LMX1A: variants seen among roughly 807,000 people sequenced by gnomAD.
LMX1A encodes the protein LIM homeobox transcription factor 1 alpha.
A neutral mutation model predicts 49.1 loss-of-function variants in LMX1A; 15 were observed. The ratio of observed to expected loss-of-function variants is 0.31; its 90% confidence interval spans 0.20 to 0.47. LMX1A has a LOEUF of 0.47. LMX1A is among the 20% of genes least tolerant of loss of function. LMX1A has a pLI of 1.00. For synonymous variants in LMX1A, 167 were observed against 185.7 expected (o/e 0.90, Z 0.82); for missense variants, 372 against 475.8 (o/e 0.78, Z 2.03).
At chr1:165,311,194 A>T (rs967690180) in intron 3 of LMX1A, among the ~76,000 whole-genome samples, 1 of 152,220 alleles carries the variant, frequency 6.6e-6, no homozygotes, top group South Asian at 2.1e-4. Context: ...ATCAGAATAA[A>T]CTGCATTATT....
intron 3 of LMX1A, among the ~76,000 whole-genome samples, chr1:165,278,184 T>G (rs1038385371): frequency 1.3e-5 from 2 of 152,206 alleles, no homozygotes; most frequent in Admixed American, 6.5e-5. Context: ...CCAGAGCTCC[T>G]GCTCATAACC....
At chr1:165,279,044 AGGAGT>A (rs1654055466) in intron 3 of LMX1A, among the ~76,000 whole-genome samples, 1 of 152,230 alleles carries the variant, frequency 6.6e-6, no homozygotes, top group Admixed American at 6.5e-5. Context: ...GGAATTTTGG[AGGAGT>A]CCAAAATTTA....
intron 8 of LMX1A, 63 bp from the exon 9 acceptor site, chr1:165,204,103 A>T: frequency 6.4e-7 from 1 of 1,551,180 alleles, no homozygotes; most frequent in Non-Finnish European, 8.8e-7. Flanking sequence ...CAGTGCTAGG[A>T]TATTCAGCTG....
rs3038076 is a variant in LMX1A at position 165,221,908 on chromosome 1, T to TAC, written c.497-8097_497-8096dup. Among the ~76,000 whole-genome samples, 1,177 of 126,988 alleles carry TAC rather than the reference T, an allele frequency of 9.3e-3. 23 individuals carry two copies. The highest frequency in any genetic ancestry group is 0.03 in the African/African-American group (1,117 of 36,860). 83.3% of individuals were successfully genotyped at this position (126,988 alleles called of 152,430 possible). A position where few individuals can be genotyped will look rare whatever the true frequency, so the allele number is the denominator to read the frequency against. On this transcript the variant is annotated intron_variant, in intron 4 of 8. Transcript: ENST00000342310. ...ACCTACCTTAGCTCTGTCTCCACTC[T>TAC]ACACACACACACACACACACACACA... is the stretch of plus-strand genomic sequence containing the variant.
At chr1:165,338,285 G>A (rs1274368277) in intron 3 of LMX1A, among the ~76,000 whole-genome samples, 1 of 152,136 alleles carries the variant, frequency 6.6e-6, no homozygotes, top group Admixed American at 6.5e-5. Flanking sequence ...TCTCTGAATA[G>A]CCAGCAATGT....
At chr1:165,305,807 C>A (rs1385703555) in intron 3 of LMX1A, among the ~76,000 whole-genome samples, 1 of 152,138 alleles carries the variant, frequency 6.6e-6, no homozygotes, top group African/African-American at 2.4e-5. Flanking sequence ...AGGTTAAGTA[C>A]CAAGACTCCA....
In LMX1A at chr1:165,292,047, G is replaced by A. The variant is rs577996847; in HGVS notation, c.264-42407C>T. Among the ~76,000 whole-genome samples the A allele has an allele frequency of 5.1e-3, 620 of 122,566 alleles. 1 individual carries two copies. The highest frequency in any genetic ancestry group is 0.018 in the African/African-American group (587 of 33,476). The allele number at this position is 122,566 out of a possible 152,430, so 80.4% of individuals were successfully genotyped here. On this transcript the variant is annotated intron_variant, in intron 3 of 8. Transcript: ENST00000342310. ...ACTGCACTCCAGCCTGGGCGACAGA[G>A]CGAAACTCCGTCTCAAAAAAAAAAA... is the stretch of plus-strand genomic sequence containing the variant.
intron 4 of LMX1A, among the ~76,000 whole-genome samples, chr1:165,242,325 C>T (rs1251248445): frequency 6.6e-6 from 1 of 152,116 alleles, no homozygotes; most frequent in Admixed American, 6.5e-5. Flanking sequence ...GACTTCACAA[C>T]CAGGCTTCCT....
intron 3 of LMX1A, among the ~76,000 whole-genome samples, chr1:165,301,774 G>A (rs1654781630): frequency 6.6e-6 from 1 of 152,010 alleles, no homozygotes; most frequent in Non-Finnish European, 1.5e-5. Flanking sequence ...AGAACAAACT[G>A]GTTCTTTTCT....
In LMX1A at chr1:165,355,794, G is replaced by T. The variant is rs1656588856; in HGVS notation, c.-22-213C>A. ...ATCTGATTTCACTTGAAGTCAACAC[G>T]TTATGTACTTAGGCCTCCGCCCCCC... On this transcript the variant is annotated intron_variant, in intron 1 of 8. Transcript: ENST00000342310. The surrounding 1 kb of genome is among the most constrained non-coding windows in gnomAD (Gnocchi z 4.7). 3.5e-6 allele frequency: 2 copies of T among 565,130 alleles called. No individual in the cohort carries two copies. The highest frequency in any genetic ancestry group is 6.3e-6 in the Non-Finnish European group (2 of 317,116). The allele number at this position is 565,130 out of a possible 1,614,324, so 35.0% of individuals were successfully genotyped here. A position where few individuals can be genotyped will look rare whatever the true frequency, so the allele number is the denominator to read the frequency against.
intron 3 of LMX1A, among the ~76,000 whole-genome samples, chr1:165,258,267 A>T (rs1653314818): frequency 6.6e-6 from 1 of 152,166 alleles, no homozygotes; most frequent in African/African-American, 2.4e-5. Flanking sequence ...ACTGAAGGAG[A>T]GATGGTGAGA....
rs1306625515 is a variant in LMX1A at position 165,297,708 on chromosome 1, C to T, written c.264-48068G>A. Among the ~76,000 whole-genome samples, 3 of 152,238 alleles carry T rather than the reference C, an allele frequency of 2.0e-5. No individual in the cohort carries two copies. In the East Asian group the frequency reaches 5.8e-4, roughly 29 times the overall value. On this transcript the variant is annotated intron_variant, in intron 3 of 8. Transcript: ENST00000342310. ...ACTTCCAGGGCTGTGTCCCAAATGA[C>T]CCTTTCTGAGACCCTCCACAACCAG...
intron 4 of LMX1A, among the ~76,000 whole-genome samples, chr1:165,233,152 G>C (rs991664975): frequency 1.1e-4 from 17 of 152,326 alleles, no homozygotes; most frequent in African/African-American, 4.1e-4. Flanking sequence ...TGGAGACACT[G>C]GTTTAAAACT....
At chr1:165,254,543 T>G (rs901076438) in intron 3 of LMX1A, among the ~76,000 whole-genome samples, 20 of 152,286 alleles carry the variant, frequency 1.3e-4, no homozygotes, top group South Asian at 6.2e-4. Flanking sequence ...GTGCATGTGG[T>G]CCACCACCTG....
At chr1:165,296,551 T>A (rs1654627805) in intron 3 of LMX1A, among the ~76,000 whole-genome samples, 1 of 152,262 alleles carries the variant, frequency 6.6e-6, no homozygotes, top group South Asian at 2.1e-4. Flanking sequence ...CCTTCTTCAA[T>A]GTCGCCATTC....
intron 3 of LMX1A, among the ~76,000 whole-genome samples, chr1:165,283,357 TAAC>T (rs1379655988): frequency 6.6e-6 from 1 of 152,216 alleles, no homozygotes; most frequent in Admixed American, 6.5e-5. Context: ...CAGAATCTCC[TAAC>T]AACAGATCTC....
intron 3 of LMX1A, among the ~76,000 whole-genome samples, chr1:165,275,847 A>ATGTGTGTGTG (rs529022372): frequency 0.019 from 2,576 of 139,020 alleles, 39 homozygotes; most frequent in South Asian, 0.044. Context: ...GTGTGTGTGT[A>ATGTGTGTGTG]TGTGTGTGTG....
chr1:165,298,347 G>C (rs371547208), intron 3 of LMX1A, among the ~76,000 whole-genome samples: 1 of 152,224 alleles, frequency 6.6e-6, no homozygotes, highest in African/African-American at 2.4e-5. Flanking sequence ...TTGCAGGCCC[G>C]TCAGGGAGAA....
At chr1:165,297,331 T>A (rs1262610868) in intron 3 of LMX1A, among the ~76,000 whole-genome samples, 1 of 152,260 alleles carries the variant, frequency 6.6e-6, no homozygotes, top group African/African-American at 2.4e-5. Context: ...GAAATTCTGG[T>A]GTAATTGGTC....
Sources: gnomAD v4.1 joint callset for allele counts (sites outside exome capture counted in the v4.1 genomes callset) on GRCh38, gnomAD v4.1.1 for gene constraint, Gnocchi (gnomAD v3.1) non-coding constraint, MANE v1.5 for transcripts, NCBI Gene and HGNC (gene_info 2026-07-23, HGNC 2026-07-21) for gene names.